Variants in JHY observed in about 807,000 individuals in gnomAD.
The protein encoded by JHY is jhy protein homolog.
A neutral mutation model predicts 78.0 loss-of-function variants in JHY; 69 were observed. The ratio of observed to expected loss-of-function variants is 0.88; its 90% CI spans 0.73 to 1.08. JHY has a LOEUF of 1.08. JHY is among the 50% of genes least tolerant of loss of function. The pLI is 0.00. For missense variants in JHY, 944 were observed against 927.8 expected (o/e 1.02, Z -0.23); for synonymous variants, 368 against 342.6 (o/e 1.07, Z -0.82).
At chr11:122,900,380 G>C (rs1862825349) in intron 2 of JHY, among the ~76,000 whole-genome samples, 1 of 152,038 alleles carries the variant, frequency 6.6e-6, no homozygotes, top group South Asian at 2.1e-4. Context: ...ATATCAAATA[G>C]CATAAAAAGC....
chr11:122,945,391 A>G (rs7944405), intron 5 of JHY, among the ~76,000 whole-genome samples: 84,876 of 152,012 alleles, frequency 0.56, 24,255 homozygotes, highest in African/African-American at 0.69. Flanking sequence ...TATGTTTCTC[A>G]GGTTCTTAGC....
Position 122,961,255 on chromosome 11 carries a change from A to G in JHY, c.*1810A>G, listed in dbSNP as rs7115679. On this transcript the variant is annotated 3_prime_UTR_variant, in exon 9 of 9. Transcript: ENST00000227349. ...CTGAGAGAACTCAATCTATTGGCCA[A>G]TCAGATGTTTCCCATCCTTCTTACT... Among the ~76,000 whole-genome samples the G allele has an allele frequency of 0.49, 73,745 of 151,924 alleles. 18,666 individuals carry two copies. The highest frequency in any genetic ancestry group is 0.56 in the Non-Finnish European group (38,201 of 67,940).
intron 3 of JHY, 94 bp downstream of exon 3, chr11:122,904,538 G>A: frequency 1.4e-6 from 2 of 1,387,928 alleles, no homozygotes; most frequent in Non-Finnish European, 2.0e-6. Flanking sequence ...TTAAGATGAC[G>A]ATGTCATAGC....
chr11:122,885,895 G>A lies in JHY; in HGVS notation c.46G>A (p.Val16Ile). 1 of 1,614,000 alleles carries A rather than the reference G, an allele frequency of 6.2e-7. No homozygotes were observed. Among genetic ancestry groups the A allele is most frequent in the Non-Finnish European group, 8.5e-7 (1 of 1,179,970 alleles). Residue 16 changes from valine to isoleucine, a missense_variant, in exon 2 of 9, where the codon GTC becomes ATC. Coordinates refer to ENST00000227349, the MANE Select transcript of JHY (RefSeq NM_024806.4). ...TCCCAAGCTCTCTATTCAATCTCCT[G>A]TCCTTCATACCAACTTAAATGTCCA... ...LIPKLSIQSP[V>I]LHTNLNVQST...
intron 2 of JHY, among the ~76,000 whole-genome samples, chr11:122,892,755 A>T (rs1388555973): frequency 2.0e-5 from 3 of 152,208 alleles, no homozygotes; most frequent in African/African-American, 7.2e-5. Flanking sequence ...GACATTGGAT[A>T]ACCAAAAGAG....
chr11:122,886,284 G>C (rs2135276924), intron 2 of JHY, 91 bp downstream of exon 2: 1 of 1,266,906 alleles, frequency 7.9e-7, no homozygotes, highest in Non-Finnish European at 1.1e-6. Flanking sequence ...GTAAGGGCAA[G>C]CTGCCCTAAT....
At chr11:122,933,204 T>C (rs575805875) in intron 4 of JHY, among the ~76,000 whole-genome samples, 1 of 152,328 alleles carries the variant, frequency 6.6e-6, no homozygotes, top group South Asian at 2.1e-4. Flanking sequence ...AGTAATTTGA[T>C]CATTCCTTCT....
chr11:122,943,639 GC>G (rs1863914430), intron 5 of JHY, among the ~76,000 whole-genome samples: 1 of 152,124 alleles, frequency 6.6e-6, no homozygotes, highest in Non-Finnish European at 1.5e-5. Context: ...TTAGGGACAT[GC>G]AGATTTATAA....
chr11:122,923,641 CTTCA>C (rs962847877), intron 3 of JHY, among the ~76,000 whole-genome samples: 1 of 152,150 alleles, frequency 6.6e-6, no homozygotes, highest in Non-Finnish European at 1.5e-5. Context: ...GCATAGCTGC[CTTCA>C]TTCATGGTTC....
At chr11:122,924,862 C>T (rs1411607398) in intron 3 of JHY, 35 bp from the exon 4 acceptor site, 1 of 1,524,572 alleles carries the variant, frequency 6.6e-7, no homozygotes, top group African/African-American at 1.4e-5. Flanking sequence ...TAAAATGAAT[C>T]CAGTTAACAT....
At chr11:122,901,196 G>T (rs1214444728) in intron 2 of JHY, among the ~76,000 whole-genome samples, 1 of 152,130 alleles carries the variant, frequency 6.6e-6, no homozygotes, top group African/African-American at 2.4e-5. Flanking sequence ...CATAGAAAAG[G>T]TACAGTAAAA....
At chr11:122,909,550 C>A (rs1176909574) in intron 3 of JHY, among the ~76,000 whole-genome samples, 1 of 152,118 alleles carries the variant, frequency 6.6e-6, no homozygotes, top group Non-Finnish European at 1.5e-5. Flanking sequence ...GAGGCCAAAG[C>A]GGGCAGATCA....
chr11:122,883,165 G>A lies in JHY; in HGVS notation c.-90+193G>A, dbSNP rs1173981594. Among the ~76,000 whole-genome samples the A allele has an allele frequency of 6.6e-6, 1 of 152,176 alleles. No individual in the cohort carries two copies. The highest frequency in any genetic ancestry group is 2.4e-5 in the African/African-American group (1 of 41,460). On this transcript the variant is annotated intron_variant, in intron 1 of 8. Transcript: ENST00000227349. This position sits in a 1 kb window ranked among gnomAD's most constrained non-coding sequence, Gnocchi z 4.4. ...CGACAAGGGGCTGGGGGGCCGCCAT[G>A]CGAGGCTTCGGCGCCCGGGCACCCA...
chr11:122,899,913 T>A (rs1018656786), intron 2 of JHY, among the ~76,000 whole-genome samples: 1 of 152,210 alleles, frequency 6.6e-6, no homozygotes, highest in African/African-American at 2.4e-5. Flanking sequence ...CGGACACTGC[T>A]GGACCCCATG....
At chr11:122,925,462 T>C (rs1863476154) in intron 4 of JHY, among the ~76,000 whole-genome samples, 1 of 152,212 alleles carries the variant, frequency 6.6e-6, no homozygotes, top group Non-Finnish European at 1.5e-5. Flanking sequence ...TTTCAGAATA[T>C]AAAAGCTTAC....
intron 2 of JHY, among the ~76,000 whole-genome samples, chr11:122,897,499 T>C (rs1862762748): frequency 6.6e-6 from 1 of 152,222 alleles, no homozygotes; most frequent in Non-Finnish European, 1.5e-5. Context: ...GTCAAAATTC[T>C]GGGACTACAA....
chr11:122,887,577 T>C (rs1394546307), intron 2 of JHY, among the ~76,000 whole-genome samples: 2 of 151,980 alleles, frequency 1.3e-5, no homozygotes, highest in Non-Finnish European at 2.9e-5. Flanking sequence ...CACCTTGGAC[T>C]CCCAAAGTGT....
intron 2 of JHY, 99 bp from the exon 3 acceptor site, chr11:122,903,826 A>G (rs1862915253): frequency 2.1e-6 from 3 of 1,438,254 alleles, no homozygotes; most frequent in Non-Finnish European, 2.8e-6. Context: ...AAACTATAGG[A>G]GAAAGACTGA....
chr11:122,928,428 C>A (rs570299010), intron 4 of JHY, among the ~76,000 whole-genome samples: 1 of 152,138 alleles, frequency 6.6e-6, no homozygotes, highest in African/African-American at 2.4e-5. Context: ...ACCCTAACAA[C>A]AATAACCTTC....
Sources: gnomAD v4.1 joint callset for allele counts (sites outside exome capture counted in the v4.1 genomes callset) on GRCh38, gnomAD v4.1.1 for gene constraint, Gnocchi (gnomAD v3.1) non-coding constraint, MANE v1.5 for transcripts, NCBI Gene and HGNC (gene_info 2026-07-23, HGNC 2026-07-21) for gene names.